NFIA: variants seen among roughly 807,000 people sequenced by gnomAD.
NFIA encodes the protein nuclear factor I A, also known as nuclear factor 1 A-type.
A neutral mutation model predicts 62.8 loss-of-function variants in NFIA; 8 were observed. The observed-to-expected ratio is 0.13, with a 90% CI of 0.07 to 0.23. The LOEUF is 0.23. Ranked by LOEUF, NFIA falls within the 10% of genes least tolerant of loss-of-function variation. The pLI is 1.00. For synonymous variants in NFIA, 235 were observed against 238.1 expected, an observed-to-expected ratio of 0.99 and a Z score of 0.12; for missense variants, 410 against 642.1, an observed-to-expected ratio of 0.64 and a Z score of 3.91.
intron 2 of NFIA, among the ~76,000 whole-genome samples, chr1:61,090,659 C>T (rs1445961306): frequency 6.6e-6 from 1 of 152,076 alleles, no homozygotes; most frequent in African/African-American, 2.4e-5. Context: ...AGTTAGCATC[C>T]TTATTGCTTA....
chr1:61,311,395 A>C (rs933183643), intron 3 of NFIA, among the ~76,000 whole-genome samples: 2 of 103,274 alleles, frequency 1.9e-5, no homozygotes, highest in Non-Finnish European at 4.4e-5. Flanking sequence ...CCGTCTCAAA[A>C]AAACAAAAAA....
chr1:61,120,571 A>G (rs1173784843), intron 2 of NFIA, among the ~76,000 whole-genome samples: 2 of 152,212 alleles, frequency 1.3e-5, no homozygotes, highest in Non-Finnish European at 2.9e-5. Flanking sequence ...CAAAAGAGTG[A>G]TAAGCTTGTA....
At chr1:61,077,441 G>A, upstream of NFIA, 1 of 439,654 alleles carries the variant, frequency 2.3e-6, no homozygotes, top group Non-Finnish European at 4.0e-6. Flanking sequence ...CTTCTGATTT[G>A]GAGTTAAAAA....
At chr1:61,302,313 A>T (rs991821561) in intron 3 of NFIA, among the ~76,000 whole-genome samples, 15 of 152,242 alleles carry the variant, frequency 9.9e-5, no homozygotes, top group African/African-American at 3.1e-4. Flanking sequence ...ACATAACAGT[A>T]CAAAAAGAGG....
chr1:61,156,402 G>A (rs556560450), intron 2 of NFIA, among the ~76,000 whole-genome samples: 40 of 152,250 alleles, frequency 2.6e-4, no homozygotes, highest in African/African-American at 8.7e-4. Flanking sequence ...TTGAGACGTA[G>A]CACTGGGCAT....
intron 2 of NFIA, among the ~76,000 whole-genome samples, chr1:61,114,467 C>T (rs1054654169): frequency 5.9e-5 from 9 of 152,126 alleles, no homozygotes; most frequent in Non-Finnish European, 1.3e-4. Flanking sequence ...CCAGCCTGGG[C>T]AACAGAGCAA....
At chr1:61,129,367 A>G (rs1647034034) in intron 2 of NFIA, among the ~76,000 whole-genome samples, 1 of 152,064 alleles carries the variant, frequency 6.6e-6, no homozygotes, top group Non-Finnish European at 1.5e-5. Context: ...ATAAATCCAC[A>G]CAACCTTAAA....
At chr1:61,260,915 C>T (rs956643457) in intron 2 of NFIA, among the ~76,000 whole-genome samples, 8 of 152,144 alleles carry the variant, frequency 5.3e-5, no homozygotes, top group African/African-American at 1.9e-4. Flanking sequence ...TCCTTGGTTG[C>T]TGAATGATTT....
At chr1:61,286,402 T>TACC (rs1658499427) in intron 3 of NFIA, among the ~76,000 whole-genome samples, 1 of 138,844 alleles carries the variant, frequency 7.2e-6, no homozygotes, top group Non-Finnish European at 1.5e-5. Context: ...CACTCCAGCC[T>TACC]GGGTGACCGA....
intron 2 of NFIA, among the ~76,000 whole-genome samples, chr1:61,105,261 A>C (rs1407799097): frequency 1.3e-5 from 2 of 151,962 alleles, no homozygotes; most frequent in African/African-American, 4.8e-5. Context: ...TCTTACGATA[A>C]CTCAAATTAT....
intron 2 of NFIA, among the ~76,000 whole-genome samples, chr1:61,194,891 A>C (rs1651887996): frequency 6.6e-6 from 1 of 152,184 alleles, no homozygotes; most frequent in Non-Finnish European, 1.5e-5. Flanking sequence ...AAATCCAGAT[A>C]CTCTGACTAT....
At chr1:61,364,623 G>C (rs1663485138) in intron 6 of NFIA, among the ~76,000 whole-genome samples, 1 of 152,178 alleles carries the variant, frequency 6.6e-6, no homozygotes, top group Non-Finnish European at 1.5e-5. Flanking sequence ...TCACCTGAAA[G>C]TGTGTTCCTT....
chr1:61,160,862 A>G (rs1649150796), intron 2 of NFIA, among the ~76,000 whole-genome samples: 1 of 152,190 alleles, frequency 6.6e-6, no homozygotes, highest in African/African-American at 2.4e-5. Flanking sequence ...AGTTGATCAC[A>G]ATCTAGATTA....
At chr1:61,094,069 T>C (rs892030344) in intron 2 of NFIA, among the ~76,000 whole-genome samples, 34 of 152,186 alleles carry the variant, frequency 2.2e-4, no homozygotes, top group African/African-American at 7.2e-4. Flanking sequence ...GAAACCAATT[T>C]TGAGGATTAG....
At chr1:61,146,028 G>T (rs756932693) in intron 2 of NFIA, among the ~76,000 whole-genome samples, 1 of 152,200 alleles carries the variant, frequency 6.6e-6, no homozygotes, top group Non-Finnish European at 1.5e-5. Context: ...CAAATCCAGT[G>T]TTACTGGGCT....
At chr1:61,286,026 A>T (rs991573872) in intron 3 of NFIA, among the ~76,000 whole-genome samples, 7 of 152,236 alleles carry the variant, frequency 4.6e-5, no homozygotes, top group Admixed American at 4.6e-4. Context: ...GAGACTTGCC[A>T]TTAAAAGCCT....
chr1:61,103,266 A>G (rs146101112), intron 2 of NFIA, among the ~76,000 whole-genome samples: 1 of 152,202 alleles, frequency 6.6e-6, no homozygotes, highest in Non-Finnish European at 1.5e-5. Flanking sequence ...ATGCACGCAT[A>G]TTTTTGTTTT....
intron 2 of NFIA, among the ~76,000 whole-genome samples, chr1:61,155,440 G>A (rs1287575781): frequency 1.4e-4 from 21 of 151,984 alleles, no homozygotes; most frequent in African/African-American, 2.4e-5. Flanking sequence ...TTGGGAGGCC[G>A]AGGCGGGTGG....
At chr1:61,422,341 T>A (rs1666661131) in intron 9 of NFIA, among the ~76,000 whole-genome samples, 1 of 152,160 alleles carries the variant, frequency 6.6e-6, no homozygotes, top group Non-Finnish European at 1.5e-5. Flanking sequence ...TCATATTTTT[T>A]CCAAAGACAA....
Sources: gnomAD v4.1 joint callset for allele counts (sites outside exome capture counted in the v4.1 genomes callset) on GRCh38, gnomAD v4.1.1 for gene constraint, MANE v1.5 for transcripts, NCBI Gene and HGNC (gene_info 2026-07-23, HGNC 2026-07-21) for gene names.